Variants in ITFG1 observed in about 807,000 individuals in gnomAD.
ITFG1 encodes the protein T-cell immunomodulatory protein.
In ITFG1, 34 loss-of-function variants were observed where a neutral mutation model predicts 81.8. The observed-to-expected ratio is 0.42, with a 90% CI of 0.32 to 0.55. The LOEUF (loss-of-function observed/expected upper bound fraction) is 0.55, where lower values mean the gene tolerates loss of function less well. ITFG1 is among the 20% of genes least tolerant of loss of function. The pLI, the probability that ITFG1 is intolerant of heterozygous loss-of-function variation, is 0.17. For missense variants in ITFG1, 672 were observed against 755.4 expected (o/e 0.89, Z 1.29); for synonymous variants, 285 against 270.6 (o/e 1.05, Z -0.52).
intron 6 of ITFG1, among the ~76,000 whole-genome samples, chr16:47,381,631 A>G (rs1048442153): frequency 2.0e-5 from 3 of 152,220 alleles, no homozygotes; most frequent in African/African-American, 7.2e-5. Context: ...TTTGTTCTAT[A>G]GTAGTATCCA....
intron 10 of ITFG1, among the ~76,000 whole-genome samples, chr16:47,281,114 T>A (rs1433182385): frequency 2.0e-5 from 3 of 152,138 alleles, no homozygotes; most frequent in African/African-American, 7.2e-5. Context: ...GAGAGAAATC[T>A]GGGTATCCTG....
chr16:47,301,259 A>G (rs1967071151), intron 10 of ITFG1, among the ~76,000 whole-genome samples: 1 of 152,146 alleles, frequency 6.6e-6, no homozygotes, highest in Non-Finnish European at 1.5e-5. Context: ...TGGACTAAAA[A>G]CTAGAGAAAA....
chr16:47,424,743 G>T (rs1334832395), intron 6 of ITFG1, among the ~76,000 whole-genome samples: 1 of 152,184 alleles, frequency 6.6e-6, no homozygotes, highest in African/African-American at 2.4e-5. Flanking sequence ...GACCCTGTTT[G>T]CCTGGGTATC....
chr16:47,412,358 G>C (rs1968821798), intron 6 of ITFG1, among the ~76,000 whole-genome samples: 1 of 152,094 alleles, frequency 6.6e-6, no homozygotes, highest in South Asian at 2.1e-4. Context: ...AGGAATCCAA[G>C]AAAATGATCC....
At chr16:47,431,592 T>A (rs1969096620) in intron 5 of ITFG1, among the ~76,000 whole-genome samples, 1 of 152,194 alleles carries the variant, frequency 6.6e-6, no homozygotes, top group African/African-American at 2.4e-5. Context: ...TAAAATGGTG[T>A]GGGATCCAGA....
At chr16:47,254,225 AT>A (rs1966114425) in intron 12 of ITFG1, among the ~76,000 whole-genome samples, 1 of 152,022 alleles carries the variant, frequency 6.6e-6, no homozygotes, top group African/African-American at 2.4e-5. Context: ...TGTTTTTGTA[AT>A]TAAAAAAAAT....
At chr16:47,272,671 C>T (rs188225873) in intron 10 of ITFG1, among the ~76,000 whole-genome samples, 40 of 152,174 alleles carry the variant, frequency 2.6e-4, no homozygotes, top group Admixed American at 3.9e-4. Flanking sequence ...GCTGGGATTA[C>T]GGGCGTGAGC....
At chr16:47,254,915 G>A (rs779005305) in intron 12 of ITFG1, among the ~76,000 whole-genome samples, 14 of 152,010 alleles carry the variant, frequency 9.2e-5, no homozygotes, top group East Asian at 5.8e-4. Context: ...GCAAAAACTC[G>A]TCTCTACTAA....
intron 8 of ITFG1, chr16:47,317,656 T>C (rs980622235): frequency 1.3e-5 from 2 of 152,208 alleles, no homozygotes; most frequent in African/African-American, 4.8e-5. Flanking sequence ...CCCAGCACCT[T>C]GTATGTTCGT....
intron 5 of ITFG1, among the ~76,000 whole-genome samples, chr16:47,447,505 G>A (rs1969338896): frequency 4.6e-5 from 7 of 152,000 alleles, no homozygotes; most frequent in Admixed American, 4.6e-4. Context: ...CAAGAAATCT[G>A]AGGTAATTAA....
At chr16:47,193,615 G>A (rs1965319483) in intron 14 of ITFG1, among the ~76,000 whole-genome samples, 1 of 152,118 alleles carries the variant, frequency 6.6e-6, no homozygotes, top group Admixed American at 6.5e-5. Context: ...GATCTCTTGA[G>A]CCCAGGAGGT....
intron 15 of ITFG1, 51 bp from the exon 16 acceptor site, chr16:47,161,883 A>T (rs760563251): frequency 1.2e-5 from 12 of 1,037,980 alleles, no homozygotes; most frequent in Non-Finnish European, 1.8e-5. Context: ...TAAAAAACAC[A>T]ATTATTATTC....
intron 5 of ITFG1, among the ~76,000 whole-genome samples, chr16:47,444,495 A>G (rs1405235241): frequency 6.6e-6 from 1 of 152,184 alleles, no homozygotes; most frequent in Non-Finnish European, 1.5e-5. Context: ...AATTTAATAA[A>G]AGAAAAAGGT....
chr16:47,201,625 A>G (rs1162270893), intron 14 of ITFG1, among the ~76,000 whole-genome samples: 2 of 152,220 alleles, frequency 1.3e-5, no homozygotes, highest in African/African-American at 2.4e-5. Flanking sequence ...TTAAGGAGCT[A>G]GCCAGTGTGA....
chr16:47,352,897 T>A (rs989847957), intron 8 of ITFG1, among the ~76,000 whole-genome samples: 5 of 152,154 alleles, frequency 3.3e-5, no homozygotes, highest in Non-Finnish European at 7.3e-5. Context: ...GATGAGTTCA[T>A]CTCCTTTGTA....
intron 8 of ITFG1, among the ~76,000 whole-genome samples, chr16:47,358,944 G>C (rs990080783): frequency 2.6e-5 from 4 of 151,998 alleles, no homozygotes; most frequent in Admixed American, 6.6e-5. Flanking sequence ...AGGAAAGCAG[G>C]GCGGAAGTGC....
intron 14 of ITFG1, among the ~76,000 whole-genome samples, chr16:47,168,271 T>C (rs1032314718): frequency 6.6e-6 from 1 of 152,364 alleles, no homozygotes; most frequent in South Asian, 2.1e-4. Flanking sequence ...TTGGGCTTTT[T>C]TTTGTTGTTG....
At chr16:47,209,603 C>G (rs1965541362) in intron 14 of ITFG1, among the ~76,000 whole-genome samples, 1 of 152,090 alleles carries the variant, frequency 6.6e-6, no homozygotes, top group Non-Finnish European at 1.5e-5. Flanking sequence ...AACATATTAT[C>G]AAAGCCAGTA....
chr16:47,155,060 A>G lies in ITFG1; in HGVS notation c.*659T>C, dbSNP rs2151503220. On this transcript the variant is annotated 3_prime_UTR_variant, in exon 18 of 18. Coordinates refer to ENST00000320640, the MANE Select transcript of ITFG1 (RefSeq NM_030790.5). ...AGGCACCAAGCTAAGCACTTCACAT[A>G]CATCATCCCATTTAATGTTTACAGT... 1 of 152,356 alleles carries G rather than the reference A, an allele frequency of 6.6e-6. No individual in the cohort carries two copies. The highest frequency in any genetic ancestry group is 2.4e-5 in the African/African-American group (1 of 41,584). The allele number at this position is 152,356 out of a possible 1,614,324, so 9.4% of individuals were successfully genotyped here. A position where few individuals can be genotyped will look rare whatever the true frequency, so the allele number is the denominator to read the frequency against.
Sources: gnomAD v4.1 joint callset for allele counts (sites outside exome capture counted in the v4.1 genomes callset) on GRCh38, gnomAD v4.1.1 for gene constraint, MANE v1.5 for transcripts, NCBI Gene and HGNC (gene_info 2026-07-23, HGNC 2026-07-21) for gene names.